FXYD6: variants seen among roughly 807,000 people sequenced by gnomAD.
FXYD6 encodes FXYD domain-containing ion transport regulator 6.
In FXYD6, 7 loss-of-function variants were observed where a neutral mutation model predicts 16.7. That is an observed-to-expected ratio of 0.42 (90% CI 0.24 to 0.79). FXYD6 has a LOEUF of 0.79. Among genes scored for constraint, FXYD6 ranks in the 30% least tolerant of loss-of-function variants. The pLI, the probability that FXYD6 is intolerant of heterozygous loss-of-function variation, is 0.28. For synonymous variants in FXYD6, 49 were observed against 43.0 expected, an observed-to-expected ratio of 1.14 and a Z score of -0.54; for missense variants, 111 against 116.2, an observed-to-expected ratio of 0.95 and a Z score of 0.21.
At chr11:117,871,346 T>G (rs1259509185) in intron 1 of FXYD6, among the ~76,000 whole-genome samples, 1 of 151,970 alleles carries the variant, frequency 6.6e-6, no homozygotes, top group Non-Finnish European at 1.5e-5. Context: ...CTCTTCCCCA[T>G]GCGTGTCACA....
At position 117,870,113 on chromosome 11, in the gene FXYD6, C is replaced by G. The variant is rs1565331965; in HGVS notation, c.-6+6479G>C. 2.0e-5 allele frequency among the ~76,000 whole-genome samples: 3 copies of G among 152,370 alleles called. No individual in the cohort carries two copies. Among genetic ancestry groups the G allele is most frequent in the East Asian group, 3.9e-4 (2 of 5,184 alleles). On this transcript the variant is annotated intron_variant, in intron 1 of 7. Transcript: ENST00000526014. The surrounding 1 kb of genome is among the most constrained non-coding windows in gnomAD (Gnocchi z 4.2). ...CACCCATGGACTTCTCACAACAGCCCTCAGAAGCAGAAACACAGAACAGTA... is the reference window on the plus strand; with the variant it reads ...CACCCATGGACTTCTCACAACAGCCGTCAGAAGCAGAAACACAGAACAGTA...
At chr11:117,873,545 C>A (rs781147477) in intron 1 of FXYD6, among the ~76,000 whole-genome samples, 6 of 152,240 alleles carry the variant, frequency 3.9e-5, no homozygotes, top group Non-Finnish European at 8.8e-5. Flanking sequence ...GGGGCTAGAA[C>A]CCGGCCTTTC....
intron 1 of FXYD6, among the ~76,000 whole-genome samples, chr11:117,852,460 A>C (rs1426544159): frequency 1.3e-5 from 2 of 152,236 alleles, no homozygotes; most frequent in Non-Finnish European, 2.9e-5. Flanking sequence ...ATGTTATTCC[A>C]CTGCTATCTG....
At position 117,862,945 on chromosome 11, in the gene FXYD6, GGAT is replaced by G. The variant is rs200902855; in HGVS notation, c.-6+13644_-6+13646del. On this transcript the variant is annotated intron_variant, in intron 1 of 7. Transcript: ENST00000526014. Reference sequence around the variant, plus strand: ...GTTCCCTGCCCACATTGGTCAAAGGGGATGATGATGATGATGATGATGATGATG... The same window carrying G: ...GTTCCCTGCCCACATTGGTCAAAGGGGATGATGATGATGATGATGATGATG... Among the ~76,000 whole-genome samples, 39 of 151,842 alleles carry G rather than the reference GGAT, an allele frequency of 2.6e-4. No individual in the cohort carries two copies. In the East Asian group the frequency reaches 2.7e-3, roughly 11 times the overall value.
chr11:117,838,317 G>T (rs1166867302), intron 7 of FXYD6, 40 bp from the exon 8 acceptor site: 1 of 702,446 alleles, frequency 1.4e-6, no homozygotes. Context: ...CACTTCGGCT[G>T]CCTCTGGTAT....
At chr11:117,858,723 CCCTTCCTTCCTTCCTTCCTTCCTTCCTT>C (rs761682132) in intron 1 of FXYD6, among the ~76,000 whole-genome samples, 22 of 41,230 alleles carry the variant, frequency 5.3e-4, no homozygotes, top group African/African-American at 2.0e-3. Context: ...CTCCTTCCTT[CCCTTCCTTCCTTCCTTCCTTCCTTCCTT>C]CCTTCCTTCC....
rs530551834 is a variant in FXYD6, at chr11:117,871,528, G to C, written c.-6+5064C>G. The stretch of plus-strand genomic sequence containing the variant: ...GTGTGCTCTCAAGGAAGAACTGACA[G>C]GACATTCACGGTATATGAGTATGTT... On this transcript the variant is annotated intron_variant, in intron 1 of 7. Transcript: ENST00000526014. Among the ~76,000 whole-genome samples the C allele has an allele frequency of 3.3e-5, 5 of 152,304 alleles. No individual in the cohort carries two copies. In the South Asian group the frequency reaches 8.3e-4, roughly 25 times the overall value.
rs914205938 is a variant in FXYD6 at position 117,840,252 on chromosome 11, T to C, written c.259+67A>G. Reference sequence around the variant, plus strand: ...GGCCATGCACCTGGCAACAGTCCCTTCCTGAGCCACAGAGGGGTCTCTCTG... The same window carrying C: ...GGCCATGCACCTGGCAACAGTCCCTCCCTGAGCCACAGAGGGGTCTCTCTG... On this transcript the variant is annotated intron_variant, in intron 6 of 7. Transcript: ENST00000526014. 6.2e-6 allele frequency: 10 copies of C among 1,607,834 alleles called. No homozygotes were observed. In the African/African-American group the frequency reaches 1.3e-4, roughly 21 times the overall value.
intron 1 of FXYD6, among the ~76,000 whole-genome samples, chr11:117,856,431 C>T (rs899894853): frequency 2.6e-5 from 4 of 152,194 alleles, no homozygotes; most frequent in African/African-American, 9.7e-5. Flanking sequence ...CCCTGGCATC[C>T]CACCTGCTTG....
intron 1 of FXYD6, among the ~76,000 whole-genome samples, chr11:117,855,124 T>C (rs1336942583): frequency 6.6e-6 from 1 of 152,094 alleles, no homozygotes. Context: ...AGAACTCAGA[T>C]AAGATGGTTG....
chr11:117,869,747 A>G (rs545008613), intron 1 of FXYD6, among the ~76,000 whole-genome samples: 63 of 152,370 alleles, frequency 4.1e-4, no homozygotes, highest in African/African-American at 1.4e-3. Context: ...TTCCTTAGAA[A>G]CAGAAACAGA....
intron 1 of FXYD6, among the ~76,000 whole-genome samples, chr11:117,856,838 A>ATGAGGTACCTGATTCATCCAG (rs1269079525): frequency 1.1e-4 from 16 of 152,134 alleles, no homozygotes; most frequent in Non-Finnish European, 1.6e-4. Flanking sequence ...CCAAAGAGAG[A>ATGAGGTACCTGATTCATCCAG]TGAGGTACCT....
intron 1 of FXYD6, among the ~76,000 whole-genome samples, chr11:117,857,281 C>T (rs900951530): frequency 6.6e-6 from 1 of 152,150 alleles, no homozygotes; most frequent in Non-Finnish European, 1.5e-5. Context: ...CCATGATCCC[C>T]AGGTGATGTG....
chr11:117,859,626 C>T (rs138075754), intron 1 of FXYD6, among the ~76,000 whole-genome samples: 1 of 152,154 alleles, frequency 6.6e-6, no homozygotes, highest in Admixed American at 6.5e-5. Flanking sequence ...GCACCTGTGG[C>T]CCTTTCATGA....
chr11:117,874,625 T>C (rs1267818963), intron 1 of FXYD6, among the ~76,000 whole-genome samples: 1 of 152,194 alleles, frequency 6.6e-6, no homozygotes, highest in East Asian at 1.9e-4. Flanking sequence ...TTTCCTTCTC[T>C]CCTTTGTTAG....
intron 1 of FXYD6, among the ~76,000 whole-genome samples, chr11:117,866,558 G>A (rs1339649588): frequency 6.6e-6 from 1 of 152,166 alleles, no homozygotes; most frequent in Non-Finnish European, 1.5e-5. Context: ...GGACCCTGGG[G>A]CCTGTTAATA....
chr11:117,875,176 C>T (rs995915151), intron 1 of FXYD6, among the ~76,000 whole-genome samples: 4 of 151,528 alleles, frequency 2.6e-5, no homozygotes, highest in Admixed American at 2.6e-4. Flanking sequence ...TGTGGTGGTG[C>T]GGTATATATG....
chr11:117,862,005 C>A (rs1012801554), intron 1 of FXYD6, among the ~76,000 whole-genome samples: 1 of 152,178 alleles, frequency 6.6e-6, no homozygotes, highest in Non-Finnish European at 1.5e-5. Context: ...AGGGCACCCC[C>A]ACGAGAGACA....
intron 1 of FXYD6, among the ~76,000 whole-genome samples, chr11:117,843,204 G>A (rs2056397083): frequency 6.6e-6 from 1 of 152,174 alleles, no homozygotes; most frequent in South Asian, 2.1e-4. Context: ...CAAAGGGCTG[G>A]GATTATAGGC....
Sources: gnomAD v4.1 joint callset for allele counts (sites outside exome capture counted in the v4.1 genomes callset) on GRCh38, gnomAD v4.1.1 for gene constraint, Gnocchi (gnomAD v3.1) non-coding constraint, MANE v1.5 for transcripts, NCBI Gene and HGNC (gene_info 2026-07-23, HGNC 2026-07-21) for gene names.